The following GADL1 variants were observed in gnomAD, a reference collection of about 807,000 sequenced individuals.
The protein encoded by GADL1 is acidic amino acid decarboxylase GADL1.
A neutral mutation model predicts 69.5 loss-of-function variants in GADL1; 71 were observed. The observed-to-expected ratio is 1.02, with a 90% confidence interval of 0.84 to 1.25. The LOEUF (loss-of-function observed/expected upper bound fraction) is 1.25, where lower values mean the gene tolerates loss of function less well. GADL1 is among the 50% of genes most tolerant of loss of function. The pLI, the probability that GADL1 is intolerant of heterozygous loss-of-function variation, is 0.00. For missense variants in GADL1, 737 were observed against 631.8 expected (o/e 1.17, Z -1.79); for synonymous variants, 254 against 214.4 (o/e 1.18, Z -1.62).
chr3:30,833,889 C>A lies in GADL1; in HGVS notation c.1014G>T (p.Gly338=). 4 of 1,612,858 alleles carry A rather than the reference C, an allele frequency of 2.5e-6. No individual in the cohort carries two copies. Among genetic ancestry groups the A allele is most frequent in the Non-Finnish European group, 3.4e-6 (4 of 1,179,242 alleles). ...AWNPHKMLMA[G]IQCCALLVKD... ...TCACAAGGAGAGCACAGCACTGGAT[C>A]CCAGCCATCAGCATCTTGTGTGGGT... Residue 338 remains glycine (G), a synonymous_variant, in exon 11 of 15, where the codon GGG becomes GGT. Coordinates refer to ENST00000282538, the MANE Select transcript of GADL1 (RefSeq NM_207359.3).
chr3:30,849,659 A>T (rs1698114816), intron 6 of GADL1, among the ~76,000 whole-genome samples: 1 of 152,176 alleles, frequency 6.6e-6, no homozygotes, highest in African/African-American at 2.4e-5. Flanking sequence ...AAATGTGAGT[A>T]GAAGACATAG....
chr3:30,876,327 A>G (rs1316007820), intron 1 of GADL1, among the ~76,000 whole-genome samples: 1 of 152,042 alleles, frequency 6.6e-6, no homozygotes, highest in Non-Finnish European at 1.5e-5. Flanking sequence ...CCATTTATGG[A>G]AAGAGATGGG....
chr3:30,867,002 C>T (rs1271459679), intron 1 of GADL1, among the ~76,000 whole-genome samples: 2 of 152,026 alleles, frequency 1.3e-5, no homozygotes, highest in Non-Finnish European at 2.9e-5. Flanking sequence ...ATGAGAAGAG[C>T]TGACTTCTAG....
intron 14 of GADL1, among the ~76,000 whole-genome samples, chr3:30,762,293 C>G (rs545242901): frequency 8.5e-5 from 13 of 152,234 alleles, no homozygotes; most frequent in Admixed American, 3.9e-4. Context: ...GAAGTGAGGA[C>G]ATATGCTTTA....
At chr3:30,751,037 G>A (rs1695802129) in intron 14 of GADL1, among the ~76,000 whole-genome samples, 1 of 149,914 alleles carries the variant, frequency 6.7e-6, no homozygotes, top group Admixed American at 6.6e-5. Flanking sequence ...CCGGGGTTAA[G>A]GCATAAACAA....
chr3:30,858,324 T>C (rs996601647), intron 2 of GADL1, among the ~76,000 whole-genome samples: 4 of 151,972 alleles, frequency 2.6e-5, no homozygotes, highest in African/African-American at 9.7e-5. Context: ...CATTAAAATG[T>C]TTAGGACAGG....
intron 9 of GADL1, among the ~76,000 whole-genome samples, chr3:30,838,476 C>T (rs930229589): frequency 6.6e-6 from 1 of 152,016 alleles, no homozygotes; most frequent in Admixed American, 6.6e-5. Context: ...TCTGATAGAT[C>T]CAGAGAAAAT....
rs549301615 is a variant in GADL1, at chr3:30,781,146, A to G, written c.1303-2878T>C. ...CCAAGTATCTAGTGAAGGGTACAAA[A>G]ACTCTGGAGCAGCAAGTGCATTGTC... is the stretch of plus-strand genomic sequence containing the variant. On this transcript the variant is annotated intron_variant, in intron 13 of 14. Coordinates refer to ENST00000282538, the MANE Select transcript of GADL1 (RefSeq NM_207359.3). Among the ~76,000 whole-genome samples, 10 of 152,258 alleles carry G rather than the reference A, an allele frequency of 6.6e-5. No individual in the cohort carries two copies. The East Asian group carries it at 1.2e-3, about 18-fold the overall frequency.
intron 14 of GADL1, among the ~76,000 whole-genome samples, chr3:30,769,314 T>C (rs1318494233): frequency 6.6e-6 from 1 of 151,938 alleles, no homozygotes; most frequent in Non-Finnish European, 1.5e-5. Context: ...TCTTGGTACA[T>C]GGTGACAGTG....
At chr3:30,801,155 CAT>C in intron 11 of GADL1, 67 bp from the exon 12 acceptor site, 1 of 1,157,472 alleles carries the variant, frequency 8.6e-7, no homozygotes, top group East Asian at 2.4e-5. Flanking sequence ...AAAGCAAACA[CAT>C]GTACACACAC....
intron 9 of GADL1, among the ~76,000 whole-genome samples, chr3:30,835,803 G>C (rs1697863571): frequency 6.6e-6 from 1 of 152,042 alleles, no homozygotes; most frequent in South Asian, 2.1e-4. Flanking sequence ...CAAATCCCAA[G>C]GATTCCCAGG....
intron 11 of GADL1, among the ~76,000 whole-genome samples, chr3:30,830,669 C>T (rs1697772290): frequency 6.6e-6 from 1 of 151,932 alleles, no homozygotes; most frequent in Admixed American, 6.6e-5. Flanking sequence ...ATAACCCATT[C>T]CTATGACCTC....
intron 1 of GADL1, among the ~76,000 whole-genome samples, chr3:30,868,124 G>T (rs1698430060): frequency 6.6e-6 from 1 of 152,014 alleles, no homozygotes; most frequent in Non-Finnish European, 1.5e-5. Flanking sequence ...ATGCATTTCT[G>T]TCATGTCTAT....
chr3:30,804,836 G>A (rs987718631), intron 11 of GADL1, among the ~76,000 whole-genome samples: 22 of 152,164 alleles, frequency 1.4e-4, no homozygotes, highest in Admixed American at 1.2e-3. Flanking sequence ...TACCCATGTA[G>A]AGAGAGACTC....
chr3:30,772,590 T>TA (rs1323899851), intron 14 of GADL1, among the ~76,000 whole-genome samples: 2 of 152,054 alleles, frequency 1.3e-5, no homozygotes, highest in African/African-American at 2.4e-5. Flanking sequence ...AAGCAAAGTG[T>TA]ATAGGGCTGG....
intron 14 of GADL1, among the ~76,000 whole-genome samples, chr3:30,768,771 G>C (rs1449903627): frequency 6.6e-6 from 1 of 152,168 alleles, no homozygotes; most frequent in Admixed American, 6.5e-5. Context: ...ACTTAGGTGA[G>C]TCTTTCTTGG....
At chr3:30,804,561 C>G (rs1697220168) in intron 11 of GADL1, among the ~76,000 whole-genome samples, 1 of 116,192 alleles carries the variant, frequency 8.6e-6, no homozygotes, top group Non-Finnish European at 1.7e-5. Flanking sequence ...AATTCTTCAT[C>G]CTTCTTACTT....
At chr3:30,812,147 C>T (rs192821367) in intron 11 of GADL1, among the ~76,000 whole-genome samples, 134 of 152,138 alleles carry the variant, frequency 8.8e-4, no homozygotes, top group African/African-American at 3.1e-3. Flanking sequence ...GGCTTTATTC[C>T]GTGCAACCCA....
chr3:30,872,261 C>T (rs1698503454), intron 1 of GADL1, among the ~76,000 whole-genome samples: 1 of 151,894 alleles, frequency 6.6e-6, no homozygotes, highest in African/African-American at 2.4e-5. Context: ...CGATCATATC[C>T]TTTAATGTGG....
Sources: allele counts gnomAD v4.1 joint callset (sites outside exome capture counted in the v4.1 genomes callset), GRCh38; gene constraint gnomAD v4.1.1; transcripts MANE v1.5; gene names NCBI Gene and HGNC (gene_info 2026-07-23, HGNC 2026-07-21).